TNKS: variants seen among roughly 807,000 people sequenced by gnomAD.
TNKS encodes the protein poly [ADP-ribose] polymerase tankyrase-1.
Under a neutral mutation model 135.8 loss-of-function variants are expected in TNKS, and 72 were observed. That is an observed-to-expected ratio of 0.53 (90% CI 0.44 to 0.64). TNKS has a LOEUF of 0.64. Among genes scored for constraint, TNKS ranks in the 30% least tolerant of loss-of-function variants. TNKS has a pLI of 0.00. For missense variants in TNKS, 1,769 were observed against 1,674.0 expected (o/e 1.06, Z -0.99); for synonymous variants, 849 against 649.3 (o/e 1.31, Z -4.68).
chr8:9,676,018 T>C (rs1455503813), intron 3 of TNKS, among the ~76,000 whole-genome samples: 1 of 150,902 alleles, frequency 6.6e-6, no homozygotes, highest in African/African-American at 2.4e-5. Context: ...TTTTTTTTTT[T>C]TTTTTTTTTT....
intron 2 of TNKS, among the ~76,000 whole-genome samples, chr8:9,608,471 G>A (rs948201300): frequency 2.0e-5 from 3 of 151,912 alleles, no homozygotes; most frequent in Non-Finnish European, 4.4e-5. Flanking sequence ...CTCAAGGCTA[G>A]AATTGCAATT....
At chr8:9,570,138 C>T (rs535605818) in intron 1 of TNKS, among the ~76,000 whole-genome samples, 33 of 151,016 alleles carry the variant, frequency 2.2e-4, no homozygotes, top group African/African-American at 8.1e-4. Context: ...TTTTTTGAAC[C>T]ATTTATTGAA....
chr8:9,576,463 C>G (rs935694577), intron 1 of TNKS, among the ~76,000 whole-genome samples: 10 of 151,054 alleles, frequency 6.6e-5, no homozygotes, highest in African/African-American at 2.2e-4. Flanking sequence ...CCACCACCCC[C>G]CTCTTTTTTT....
chr8:9,701,433 T>C (rs1803799425), intron 5 of TNKS, among the ~76,000 whole-genome samples: 1 of 152,222 alleles, frequency 6.6e-6, no homozygotes, highest in South Asian at 2.1e-4. Flanking sequence ...TATTAAATAT[T>C]AGCTATGTGC....
rs1204594480 is a variant in TNKS at position 9,680,401 on chromosome 8, C to G, written c.1032-324C>G. Among the ~76,000 whole-genome samples the G allele has an allele frequency of 3.3e-5, 5 of 152,114 alleles. No homozygotes were observed. The East Asian group carries it at 7.7e-4, about 24-fold the overall frequency. On this transcript the variant is annotated intron_variant, in intron 4 of 26. Coordinates refer to ENST00000310430, the MANE Select transcript of TNKS (RefSeq NM_003747.3). ...AATTTAATTGATTAGCTCTTTACAG[C>G]ATTTTGTATGTATTTTTAACTCCAA... is the stretch of plus-strand genomic sequence containing the variant.
chr8:9,664,561 C>T (rs1334568039), intron 3 of TNKS, among the ~76,000 whole-genome samples: 1 of 152,192 alleles, frequency 6.6e-6, no homozygotes, highest in East Asian at 1.9e-4. Flanking sequence ...CTGAGACACT[C>T]ATCTGAAATT....
intron 17 of TNKS, among the ~76,000 whole-genome samples, chr8:9,746,249 A>C (rs1378095847): frequency 6.6e-6 from 1 of 152,242 alleles, no homozygotes; most frequent in Non-Finnish European, 1.5e-5. Context: ...TAACCAGCCT[A>C]ACATCCTAAA....
In TNKS at chr8:9,575,320, C is replaced by T. The variant is rs1178546317; in HGVS notation, c.674-4839C>T. 16 of 842,776 alleles carry T rather than the reference C, an allele frequency of 1.9e-5. No homozygotes were observed. In the South Asian group the frequency reaches 2.7e-4, roughly 14 times the overall value. 52.2% of individuals were successfully genotyped at this position (842,776 alleles called of 1,614,324 possible). ...TAGGATGGTCTCGATTTCCTGACCT[C>T]GTGATCCGCCTGCTTCGGCCTCCCT... On this transcript the variant is annotated intron_variant, in intron 1 of 26. Transcript: ENST00000310430.
intron 2 of TNKS, among the ~76,000 whole-genome samples, chr8:9,582,389 T>C (rs1299829874): frequency 6.6e-6 from 1 of 152,230 alleles, no homozygotes; most frequent in African/African-American, 2.4e-5. Flanking sequence ...AATTGATTTT[T>C]AAAAGGTTTT....
intron 20 of TNKS, among the ~76,000 whole-genome samples, chr8:9,758,595 G>T (rs1049913143): frequency 6.6e-6 from 1 of 152,136 alleles, no homozygotes; most frequent in Admixed American, 6.5e-5. Flanking sequence ...GCATGGCTTA[G>T]TTGGGTGCCT....
rs369521500 is a variant in TNKS at position 9,637,022 on chromosome 8, T to G, written c.994+21345T>G. On this transcript the variant is annotated intron_variant, in intron 3 of 26. Transcript: ENST00000310430. ...ATTGATGTGGATGTTGGAAATCATC[T>G]GAATTGACAGCTTGAGTGGACATGC... Among the ~76,000 whole-genome samples the G allele has an allele frequency of 3.2e-4, 48 of 152,326 alleles. 2 individuals are homozygous for G. In the South Asian group the frequency reaches 8.5e-3, roughly 27 times the overall value.
At chr8:9,764,662 G>C in intron 22 of TNKS, 54 bp from the exon 23 acceptor site, 1 of 1,406,114 alleles carries the variant, frequency 7.1e-7, no homozygotes, top group Non-Finnish European at 9.8e-7. Context: ...ACTCATCATT[G>C]TCTAGAATTA....
chr8:9,676,754 A>G (rs541352398), intron 3 of TNKS, among the ~76,000 whole-genome samples: 2 of 149,988 alleles, frequency 1.3e-5, no homozygotes, highest in African/African-American at 2.5e-5. Context: ...TATCATTACT[A>G]TTTTACCAGT....
chr8:9,634,289 A>C (rs1800419227), intron 3 of TNKS, among the ~76,000 whole-genome samples: 1 of 152,066 alleles, frequency 6.6e-6, no homozygotes. Flanking sequence ...AATTAAATTG[A>C]AGATGGGGGA....
intron 5 of TNKS, among the ~76,000 whole-genome samples, chr8:9,689,799 T>G (rs762252056): frequency 6.6e-6 from 1 of 152,198 alleles, no homozygotes; most frequent in Non-Finnish European, 1.5e-5. Context: ...TTTGTCACTT[T>G]CCCAGTTTGC....
At chr8:9,720,347 C>T (rs1804813646) in intron 11 of TNKS, 27 bp from the exon 12 acceptor site, 1 of 1,549,498 alleles carries the variant, frequency 6.5e-7, no homozygotes, top group Admixed American at 2.0e-5. Flanking sequence ...ATGCTCAATT[C>T]CATGTGCCCA....
chr8:9,707,035 T>C (rs1017802672), intron 8 of TNKS, 38 bp downstream of exon 8: 17 of 1,497,078 alleles, frequency 1.1e-5, no homozygotes, highest in Non-Finnish European at 1.5e-5. Context: ...TCGCATAAAT[T>C]GGAATATTTA....
At chr8:9,678,061 G>C (rs930717940) in intron 3 of TNKS, among the ~76,000 whole-genome samples, 1 of 152,014 alleles carries the variant, frequency 6.6e-6, no homozygotes, top group Non-Finnish European at 1.5e-5. Flanking sequence ...TTTCTTTACT[G>C]TAATCATTTA....
At chr8:9,603,554 C>T (rs868573442) in intron 2 of TNKS, among the ~76,000 whole-genome samples, 5 of 152,242 alleles carry the variant, frequency 3.3e-5, no homozygotes, top group Middle Eastern at 3.4e-3. Flanking sequence ...AACTTTTCTC[C>T]TGACACCCAG....
Sources: gnomAD v4.1 joint callset for allele counts (sites outside exome capture counted in the v4.1 genomes callset) on GRCh38, gnomAD v4.1.1 for gene constraint, MANE v1.5 for transcripts, NCBI Gene and HGNC (gene_info 2026-07-23, HGNC 2026-07-21) for gene names.